Variants in ANKRD55 observed in about 807,000 individuals in gnomAD.
ANKRD55 encodes ankyrin repeat domain 55.
In ANKRD55, 41 loss-of-function variants were observed where a neutral mutation model predicts 60.6. The observed-to-expected ratio is 0.68, with a 90% CI of 0.53 to 0.88. The LOEUF (loss-of-function observed/expected upper bound fraction) is 0.88. Among genes scored for constraint, ANKRD55 ranks in the 40% least tolerant of loss-of-function variants. The probability of loss-of-function intolerance (pLI) is 0.00; values close to 1 mark genes in which losing one functional copy is unlikely to be tolerated. For missense variants in ANKRD55, 732 were observed against 767.6 expected, an observed-to-expected ratio of 0.95 and a Z score of 0.55; for synonymous variants, 264 against 290.3, an observed-to-expected ratio of 0.91 and a Z score of 0.92.
intron 6 of ANKRD55, among the ~76,000 whole-genome samples, chr5:56,148,072 G>A (rs1261008069): frequency 1.3e-5 from 2 of 152,224 alleles, no homozygotes; most frequent in East Asian, 1.9e-4. Context: ...AGCATGGTAT[G>A]CTCCCTGCAC....
intron 2 of ANKRD55, among the ~76,000 whole-genome samples, chr5:56,231,653 GCACACACACACACACACACA>G (rs34225686): frequency 6.8e-6 from 1 of 147,978 alleles, no homozygotes; most frequent in Non-Finnish European, 1.5e-5. Flanking sequence ...CTGAAGGCGC[GCACACACACACACACACACA>G]CACACACACA....
At chr5:56,137,321 G>A in intron 7 of ANKRD55, 1 of 1,544,688 alleles carries the variant, frequency 6.5e-7, no homozygotes, top group Non-Finnish European at 8.8e-7. Flanking sequence ...TGGTCATTGA[G>A]CATATCCATG....
chr5:56,138,129 T>C (rs1198623650), intron 7 of ANKRD55, among the ~76,000 whole-genome samples: 1 of 145,722 alleles, frequency 6.9e-6, no homozygotes, highest in Non-Finnish European at 1.5e-5. Flanking sequence ...TTCTTTTTCT[T>C]TTTTTTTTTT....
intron 3 of ANKRD55, among the ~76,000 whole-genome samples, chr5:56,181,346 T>C (rs1343407583): frequency 6.6e-6 from 1 of 152,162 alleles, no homozygotes; most frequent in Non-Finnish European, 1.5e-5. Flanking sequence ...AGAGTTGTTG[T>C]TGTTGTTGTT....
intron 2 of ANKRD55, among the ~76,000 whole-genome samples, chr5:56,208,277 T>TA (rs546878815): frequency 1.1e-3 from 173 of 151,882 alleles, no homozygotes; most frequent in African/African-American, 4.2e-3. Flanking sequence ...CTTGTTCGCT[T>TA]AAAAAATAGC....
At chr5:56,169,505 T>G (rs1758559013) in intron 5 of ANKRD55, among the ~76,000 whole-genome samples, 1 of 152,132 alleles carries the variant, frequency 6.6e-6, no homozygotes, top group Admixed American at 6.5e-5. Context: ...TGTCTGGGTT[T>G]GCTGTTCCTT....
At position 56,229,078 on chromosome 5, in the gene ANKRD55, G is replaced by GCCGA. The variant is rs1299684171; in HGVS notation, c.58+3774_58+3777dup. Among the ~76,000 whole-genome samples, 830 of 143,566 alleles carry GCCGA rather than the reference G, an allele frequency of 5.8e-3. 11 individuals are homozygous for GCCGA. The highest frequency in any genetic ancestry group is 0.02 in the African/African-American group (777 of 38,426). 94.2% of individuals were successfully genotyped at this position (143,566 alleles called of 152,430 possible). A position where few individuals can be genotyped will look rare whatever the true frequency, so the allele number is the denominator to read the frequency against. ...GAGGCTACCCATCCCCCCACCTCCCGCCGACCCCTCGCCTGTTTTTTTTTT... is the reference window on the plus strand; with the variant it reads ...GAGGCTACCCATCCCCCCACCTCCCGCCGACCGACCCCTCGCCTGTTTTTTTTTT... On this transcript the variant is annotated intron_variant, in intron 2 of 11. Transcript: ENST00000341048.
rs942897569 is a variant in ANKRD55 at position 56,221,731 on chromosome 5, C to T, written c.58+11125G>A. On this transcript the variant is annotated intron_variant, in intron 2 of 11. Coordinates refer to ENST00000341048, the MANE Select transcript of ANKRD55 (RefSeq NM_024669.3). ...CCTAGCTTGGAGGGTCCCATGCCCACGGAGCCTTGCTCACTGCTAGCACAG... is the reference window on the plus strand; with the variant it reads ...CCTAGCTTGGAGGGTCCCATGCCCATGGAGCCTTGCTCACTGCTAGCACAG... Among the ~76,000 whole-genome samples the T allele has an allele frequency of 5.3e-5, 8 of 152,230 alleles. No homozygotes were observed. The South Asian group carries it at 6.2e-4, about 12-fold the overall frequency.
In ANKRD55 at chr5:56,159,910, G is replaced by A. The variant is rs774334206; in HGVS notation, c.423-17C>T. 11 of 1,611,930 alleles carry A rather than the reference G, an allele frequency of 6.8e-6. No individual in the cohort carries two copies. Among genetic ancestry groups the A allele is most frequent in the Non-Finnish European group, 9.3e-6 (11 of 1,178,212 alleles). On this transcript the variant is annotated splice_polypyrimidine_tract_variant and intron_variant, in intron 5 of 11. Coordinates refer to ENST00000341048, the MANE Select transcript of ANKRD55 (RefSeq NM_024669.3). ...GTGAGGAGCCTGTAAGGAAAAAATA[G>A]GAGAAATGGCTCAAAATAACAGGCA...
At chr5:56,201,089 A>T (rs1206452227) in intron 2 of ANKRD55, among the ~76,000 whole-genome samples, 2 of 152,188 alleles carry the variant, frequency 1.3e-5, no homozygotes, top group African/African-American at 4.8e-5. Context: ...CATACTGGAG[A>T]TATTATGGCA....
Position 56,170,644 on chromosome 5 carries a change from A to G in ANKRD55, c.422+50T>C, listed in dbSNP as rs375546865. ...GGGATGGATTAGATGACCTTCTCAT[A>G]CAAGTTGAGTCACTCCCAACTTGAG... On this transcript the variant is annotated intron_variant, in intron 5 of 11. Coordinates refer to ENST00000341048, the MANE Select transcript of ANKRD55 (RefSeq NM_024669.3). 1.5e-4 allele frequency: 208 copies of G among 1,416,026 alleles called. No individual in the cohort carries two copies. In the African/African-American group the frequency reaches 2.8e-3, roughly 19 times the overall value. 87.7% of individuals were successfully genotyped at this position (1,416,026 alleles called of 1,614,324 possible).
chr5:56,213,940 T>A (rs1759741312), intron 2 of ANKRD55, among the ~76,000 whole-genome samples: 1 of 152,210 alleles, frequency 6.6e-6, no homozygotes, highest in Admixed American at 6.5e-5. Context: ...GGATAATTTA[T>A]AAAGGAAAGA....
chr5:56,196,282 A>G (rs1759226268), intron 2 of ANKRD55, among the ~76,000 whole-genome samples: 1 of 152,230 alleles, frequency 6.6e-6, no homozygotes, highest in Non-Finnish European at 1.5e-5. Flanking sequence ...GGGAGCAATA[A>G]ATAGAAGATT....
chr5:56,142,628 T>G (rs960597675), intron 7 of ANKRD55, among the ~76,000 whole-genome samples: 12 of 152,288 alleles, frequency 7.9e-5, no homozygotes, highest in African/African-American at 2.6e-4. Context: ...GGTGCCACTT[T>G]CATCTCAGCT....
At chr5:56,217,710 T>C (rs1009682042) in intron 2 of ANKRD55, among the ~76,000 whole-genome samples, 4 of 152,048 alleles carry the variant, frequency 2.6e-5, no homozygotes, top group Admixed American at 6.6e-5. Context: ...CTGGCTAACA[T>C]GGTGAAACCC....
At chr5:56,121,761 G>C (rs1757071495) in intron 8 of ANKRD55, among the ~76,000 whole-genome samples, 1 of 152,158 alleles carries the variant, frequency 6.6e-6, no homozygotes, top group Non-Finnish European at 1.5e-5. Context: ...GGCACATATA[G>C]AGGCTCCCAA....
At chr5:56,211,184 T>C (rs1247375161) in intron 2 of ANKRD55, among the ~76,000 whole-genome samples, 3 of 152,186 alleles carry the variant, frequency 2.0e-5, no homozygotes, top group Non-Finnish European at 4.4e-5. Flanking sequence ...AACCCTAAAG[T>C]TAGTGAAGAC....
chr5:56,101,851 A>T (rs996577643), intron 11 of ANKRD55, among the ~76,000 whole-genome samples: 2 of 152,132 alleles, frequency 1.3e-5, no homozygotes, highest in African/African-American at 4.8e-5. Flanking sequence ...TCTGTCCAGT[A>T]TAGTAAGGAA....
At chr5:56,137,345 T>G (rs1457394812) in intron 7 of ANKRD55, 3 of 1,428,350 alleles carry the variant, frequency 2.1e-6, no homozygotes, top group Non-Finnish European at 2.9e-6. Flanking sequence ...ACAAAGCACC[T>G]AAGATGTGCC....
Sources: gnomAD v4.1 joint callset for allele counts (sites outside exome capture counted in the v4.1 genomes callset) on GRCh38, gnomAD v4.1.1 for gene constraint, MANE v1.5 for transcripts, NCBI Gene and HGNC (gene_info 2026-07-23, HGNC 2026-07-21) for gene names.